ZNF407: variants seen among roughly 807,000 people sequenced by gnomAD.
ZNF407 encodes the protein zinc finger protein 407.
A neutral mutation model predicts 131.2 loss-of-function variants in ZNF407; 17 were observed. The ratio of observed to expected loss-of-function variants is 0.13; its 90% CI spans 0.09 to 0.19. The LOEUF is 0.19. Among genes scored for constraint, ZNF407 ranks in the 10% least tolerant of loss-of-function variants. The probability of loss-of-function intolerance (pLI) is 1.00; values close to 1 mark genes in which losing one functional copy is unlikely to be tolerated. For missense variants in ZNF407, 2,681 were observed against 2,830.6 expected (o/e 0.95, Z 1.20); for synonymous variants, 1,156 against 1,062.0 (o/e 1.09, Z -1.72).
At chr18:74,786,898 C>G (rs557573833) in intron 4 of ZNF407, among the ~76,000 whole-genome samples, 77 of 136,916 alleles carry the variant, frequency 5.6e-4, no homozygotes, top group Non-Finnish European at 1.0e-3. Flanking sequence ...CTCCGCCTCC[C>G]GGGTTCAAGC....
intron 7 of ZNF407, among the ~76,000 whole-genome samples, chr18:74,915,208 C>G (rs545691202): frequency 6.6e-6 from 1 of 152,068 alleles, no homozygotes; most frequent in Admixed American, 6.6e-5. Context: ...AGGAGCAGTG[C>G]GAGGCCAGGA....
chr18:74,936,550 T>G (rs1390283481), intron 8 of ZNF407, among the ~76,000 whole-genome samples: 1 of 152,206 alleles, frequency 6.6e-6, no homozygotes, highest in South Asian at 2.1e-4. Context: ...ACCACCCAGC[T>G]GTGCCCACCT....
chr18:74,974,983 G>A (rs1391016740), intron 8 of ZNF407, among the ~76,000 whole-genome samples: 2 of 152,208 alleles, frequency 1.3e-5, no homozygotes, highest in African/African-American at 4.8e-5. Context: ...TATGTACACT[G>A]TATAGAACTG....
intron 1 of ZNF407, among the ~76,000 whole-genome samples, chr18:74,606,110 T>A (rs754049812): frequency 6.6e-6 from 1 of 152,224 alleles, no homozygotes; most frequent in Non-Finnish European, 1.5e-5. Context: ...GATGTGGACA[T>A]GAAGAGCTTT....
At chr18:74,746,209 G>A (rs1040491528) in intron 3 of ZNF407, among the ~76,000 whole-genome samples, 6 of 152,140 alleles carry the variant, frequency 3.9e-5, no homozygotes, top group Non-Finnish European at 7.4e-5. Flanking sequence ...GGGTGCAGTT[G>A]TATCTGTGCA....
At chr18:75,023,760 T>C (rs1001136805) in intron 8 of ZNF407, among the ~76,000 whole-genome samples, 1 of 152,222 alleles carries the variant, frequency 6.6e-6, no homozygotes, top group African/African-American at 2.4e-5. Context: ...TAGAGTAATT[T>C]AGTCATTCCC....
At chr18:74,725,130 T>G (rs1968127207) in intron 3 of ZNF407, among the ~76,000 whole-genome samples, 1 of 152,234 alleles carries the variant, frequency 6.6e-6, no homozygotes, top group African/African-American at 2.4e-5. Flanking sequence ...TCTGTACCTA[T>G]TAAGTATGCC....
Position 74,867,531 on chromosome 18 carries a change from G to A in ZNF407, c.4878-9666G>A, listed in dbSNP as rs867909041. On this transcript the variant is annotated intron_variant, in intron 4 of 8. Coordinates refer to ENST00000299687, the MANE Select transcript of ZNF407 (RefSeq NM_017757.3). ...CCTTCTGAGGCTCTGAGAGGCTGCCGAAGGCCAGACACTTACTAGCTGCTT... is the reference window on the plus strand; with the variant it reads ...CCTTCTGAGGCTCTGAGAGGCTGCCAAAGGCCAGACACTTACTAGCTGCTT... Among the ~76,000 whole-genome samples, 39 of 152,260 alleles carry A rather than the reference G, an allele frequency of 2.6e-4. No individual in the cohort carries two copies. The Middle Eastern group carries it at 0.014, about 53-fold the overall frequency.
At chr18:74,935,718 C>G (rs557240336) in intron 8 of ZNF407, among the ~76,000 whole-genome samples, 1 of 152,012 alleles carries the variant, frequency 6.6e-6, no homozygotes, top group Admixed American at 6.6e-5. Context: ...AAGAGGAGAT[C>G]GATGGAAGCA....
At chr18:74,613,820 T>C (rs75976262) in intron 1 of ZNF407, among the ~76,000 whole-genome samples, 3,511 of 152,308 alleles carry the variant, frequency 0.023, 133 homozygotes, top group African/African-American at 0.079. Context: ...TCCACATAGT[T>C]GTTTTAAAGA....
chr18:74,851,691 A>G (rs1970786008), intron 4 of ZNF407, among the ~76,000 whole-genome samples: 1 of 152,158 alleles, frequency 6.6e-6, no homozygotes. Flanking sequence ...ATTTTATTCC[A>G]CTGGCCAGCA....
chr18:74,600,954 T>C (rs1181595298), intron 1 of ZNF407, among the ~76,000 whole-genome samples: 1 of 152,148 alleles, frequency 6.6e-6, no homozygotes, highest in Non-Finnish European at 1.5e-5. Context: ...GACAGGGATC[T>C]TTTAGAGGCT....
intron 7 of ZNF407, among the ~76,000 whole-genome samples, chr18:74,891,330 G>A (rs2145197347): frequency 6.6e-6 from 1 of 152,310 alleles, no homozygotes; most frequent in Non-Finnish European, 1.5e-5. Context: ...CCACATGATG[G>A]CGTGAAATTG....
Position 74,634,297 on chromosome 18 carries a change from A to G in ZNF407, c.3278A>G (p.Asn1093Ser), listed in dbSNP as rs1210128310. The G allele has an allele frequency of 6.2e-7, 1 of 1,613,878 alleles. No homozygotes were observed. The highest frequency in any genetic ancestry group is 8.5e-7 in the Non-Finnish European group (1 of 1,179,890). The change falls in exon 2 of 9, where the codon AAC (asparagine) becomes AGC (serine). Residue 1093 changes from asparagine to serine, a missense_variant. Around this residue, in one of 6 missense-constraint regions of ZNF407, gnomAD observed 1,789 missense variants for 1,748.7 expected, o/e 1.02. Coordinates refer to ENST00000299687, the MANE Select transcript of ZNF407 (RefSeq NM_017757.3). ...GCTGGTTCTGCAGACATGTCCAAAA[A>G]CATCATTATGCCTGAAGAAGAGCAT... ...VEAGSADMSK[N>S]IIMPEEEHQQ...
At chr18:74,934,855 TTAAA>T (rs1972022225) in intron 8 of ZNF407, among the ~76,000 whole-genome samples, 1 of 152,222 alleles carries the variant, frequency 6.6e-6, no homozygotes, top group South Asian at 2.1e-4. Context: ...CTTGGAATGA[TTAAA>T]TAAGCCAATA....
At chr18:74,823,758 T>C (rs551731049) in intron 4 of ZNF407, among the ~76,000 whole-genome samples, 9 of 152,256 alleles carry the variant, frequency 5.9e-5, no homozygotes, top group Admixed American at 2.6e-4. Flanking sequence ...CACACAATAA[T>C]AGTGGGAGGC....
intron 4 of ZNF407, chr18:74,804,489 C>T: frequency 1.0e-6 from 1 of 987,580 alleles, no homozygotes; most frequent in Non-Finnish European, 1.2e-6. Context: ...TTATTTGTAC[C>T]CTTTTGGGAA....
chr18:74,861,311 C>T (rs1213982003), intron 4 of ZNF407, among the ~76,000 whole-genome samples: 1 of 152,174 alleles, frequency 6.6e-6, no homozygotes, highest in Non-Finnish European at 1.5e-5. Flanking sequence ...CTTTATCTGA[C>T]AGACAGTGTG....
At chr18:74,599,701 C>T (rs914744072) in intron 1 of ZNF407, among the ~76,000 whole-genome samples, 4 of 152,024 alleles carry the variant, frequency 2.6e-5, no homozygotes, top group African/African-American at 4.8e-5. Context: ...ACATTCATTC[C>T]GATTAGGTTT....
Sources: allele counts gnomAD v4.1 joint callset (sites outside exome capture counted in the v4.1 genomes callset), GRCh38; gene constraint gnomAD v4.1.1; regional missense constraint gnomAD v4.1.1; transcripts MANE v1.5; gene names NCBI Gene and HGNC (gene_info 2026-07-23, HGNC 2026-07-21).